KDM4B: variants seen among roughly 807,000 people sequenced by gnomAD.
The protein encoded by KDM4B is lysine demethylase 4B.
KDM4B carries 32 observed loss-of-function variants against 125.2 expected under a neutral mutation model. The ratio of observed to expected loss-of-function variants is 0.26; its 90% CI spans 0.19 to 0.34. KDM4B has a LOEUF of 0.34. Among genes scored for constraint, KDM4B ranks in the 10% least tolerant of loss-of-function variants. The probability of loss-of-function intolerance (pLI) is 1.00; values close to 1 mark genes in which losing one functional copy is unlikely to be tolerated. For missense variants in KDM4B, 1,190 were observed against 1,577.7 expected, an observed-to-expected ratio of 0.75 and a Z score of 4.16; for synonymous variants, 721 against 677.9, an observed-to-expected ratio of 1.06 and a Z score of -0.99.
intron 6 of KDM4B, 185 bp from the exon 7 acceptor site, chr19:5,070,825 T>G: frequency 1.9e-6 from 1 of 535,758 alleles, no homozygotes; most frequent in Non-Finnish European, 3.3e-6. Flanking sequence ...CCACCTCGCT[T>G]CCTTACGGAT....
At chr19:5,041,015 G>A in intron 4 of KDM4B, 122 bp from the exon 5 acceptor site, 1 of 598,402 alleles carries the variant, frequency 1.7e-6, no homozygotes, top group Non-Finnish European at 3.0e-6. Context: ...CGGGGCAGCG[G>A]GCAGTCGGAG....
intron 10 of KDM4B, chr19:5,112,694 C>T (rs969902662): frequency 6.6e-6 from 1 of 152,382 alleles, no homozygotes; most frequent in Non-Finnish European, 1.5e-5. Flanking sequence ...CTGTCTTCCC[C>T]ACCTCGCGGC....
At chr19:5,065,030 C>T (rs7253495) in intron 6 of KDM4B, among the ~76,000 whole-genome samples, 34,524 of 152,174 alleles carry the variant, frequency 0.23, 4,744 homozygotes, top group East Asian at 0.65. Flanking sequence ...AGGTCAGGTG[C>T]GGTGTGCTTT....
At chr19:5,040,998 C>G (rs1347887041) in intron 4 of KDM4B, 139 bp from the exon 5 acceptor site, 9 of 552,430 alleles carry the variant, frequency 1.6e-5, no homozygotes, top group African/African-American at 1.5e-4. Context: ...TTGCGTGGTA[C>G]CCTAGGCGGG....
intron 1 of KDM4B, among the ~76,000 whole-genome samples, chr19:4,994,844 G>A (rs759392694): frequency 2.0e-5 from 3 of 151,900 alleles, no homozygotes; most frequent in South Asian, 2.1e-4. Flanking sequence ...ATGATTGTTA[G>A]CACTATATTT....
At chr19:5,085,871 T>G (rs1406060140) in intron 9 of KDM4B, among the ~76,000 whole-genome samples, 1 of 152,222 alleles carries the variant, frequency 6.6e-6, no homozygotes, top group East Asian at 1.9e-4. Flanking sequence ...CAGCCCAGGC[T>G]GGAGAGTCTG....
chr19:4,997,786 G>T lies in KDM4B; in HGVS notation c.-108-18471G>T, dbSNP rs1226010346. On this transcript the variant is annotated intron_variant, in intron 1 of 22. Coordinates refer to ENST00000159111, the MANE Select transcript of KDM4B (RefSeq NM_015015.3). This position sits in a 1 kb window ranked among gnomAD's most constrained non-coding sequence, Gnocchi z 4.2. ...CCTCTTCATCCTTACTGTCTGGTCT[G>T]TTCCAAAGGCCGCAGGCCCCAGAAA... Among the ~76,000 whole-genome samples the T allele has an allele frequency of 6.6e-6, 1 of 152,236 alleles. No individual in the cohort carries two copies. The highest frequency in any genetic ancestry group is 1.9e-4 in the East Asian group (1 of 5,192).
chr19:5,039,818 C>A lies in KDM4B; in HGVS notation c.142-18C>A. ...TGAGGGTCTGAGGGTGCCACTGACT[C>A]CCATCTTGGTCTTGCAGATCATCCC... On this transcript the variant is annotated intron_variant, in intron 3 of 22. Transcript: ENST00000159111. The A allele has an allele frequency of 6.2e-7, 1 of 1,609,414 alleles. No homozygotes were observed. The highest frequency in any genetic ancestry group is 8.5e-7 in the Non-Finnish European group (1 of 1,177,570).
chr19:5,065,889 T>TC (rs1436815356), intron 6 of KDM4B, among the ~76,000 whole-genome samples: 4 of 151,926 alleles, frequency 2.6e-5, no homozygotes, highest in Admixed American at 1.3e-4. Context: ...CCTCGCAGCA[T>TC]CCCCCGGGCA....
chr19:5,082,240 T>C lies in KDM4B; in HGVS notation c.781-127T>C, dbSNP rs1174596153. 14 of 1,149,114 alleles carry C rather than the reference T, an allele frequency of 1.2e-5. No homozygotes were observed. The highest frequency in any genetic ancestry group is 1.7e-5 in the Non-Finnish European group (14 of 817,264). The allele number at this position is 1,149,114 out of a possible 1,614,324, so 71.2% of individuals were successfully genotyped here. On this transcript the variant is annotated intron_variant, in intron 8 of 22. Coordinates refer to ENST00000159111, the MANE Select transcript of KDM4B (RefSeq NM_015015.3). The surrounding 1 kb of genome is among the most constrained non-coding windows in gnomAD (Gnocchi z 5.4). ...GAGCCCCTGGAGCCGCTGGATCACCTTTGACTTTGTGAAACCCCCTTGGCT... is the reference window on the plus strand; with the variant it reads ...GAGCCCCTGGAGCCGCTGGATCACCCTTGACTTTGTGAAACCCCCTTGGCT...
At chr19:5,118,157 C>T (rs970581552) in intron 10 of KDM4B, among the ~76,000 whole-genome samples, 1 of 152,214 alleles carries the variant, frequency 6.6e-6, no homozygotes, top group Non-Finnish European at 1.5e-5. Flanking sequence ...CCACCCCACC[C>T]CTGTCAGATG....
chr19:5,036,587 A>G (rs1449917795), intron 3 of KDM4B, among the ~76,000 whole-genome samples: 1 of 152,204 alleles, frequency 6.6e-6, no homozygotes, highest in African/African-American at 2.4e-5. Context: ...GCCCTCAGCT[A>G]TACCACCCGC....
intron 9 of KDM4B, among the ~76,000 whole-genome samples, chr19:5,109,620 C>T (rs1289412375): frequency 1.3e-5 from 2 of 152,198 alleles, no homozygotes; most frequent in Admixed American, 6.5e-5. Context: ...CCAGGCAAGC[C>T]GGCTGCAGCA....
intron 14 of KDM4B, 34 bp from the exon 15 acceptor site, chr19:5,135,305 G>A (rs1209437949): frequency 1.3e-6 from 2 of 1,497,444 alleles, no homozygotes; most frequent in African/African-American, 1.4e-5. Context: ...CCCACACATG[G>A]CTCTGTCCCC....
intron 19 of KDM4B, 29 bp from the exon 20 acceptor site, chr19:5,144,219 C>A (rs781141028): frequency 2.5e-5 from 40 of 1,587,540 alleles, no homozygotes; most frequent in Non-Finnish European, 3.4e-5. Context: ...CCGCGCTGAC[C>A]GCCCCCCACA....
At chr19:5,113,130 G>A (rs1439419400) in intron 10 of KDM4B, 4 of 152,198 alleles carry the variant, frequency 2.6e-5, no homozygotes, top group Admixed American at 2.0e-4. Context: ...CAGCCCTTGC[G>A]TGGCCTGGCC....
chr19:5,122,685 A>G (rs2039382320), intron 11 of KDM4B, among the ~76,000 whole-genome samples: 2 of 152,236 alleles, frequency 1.3e-5, no homozygotes, highest in Non-Finnish European at 2.9e-5. Context: ...GCCACCCGTC[A>G]CCGACCAAGA....
chr19:5,013,980 GTGGCCCGGC>G (rs1568227327), intron 1 of KDM4B, among the ~76,000 whole-genome samples: 5 of 152,246 alleles, frequency 3.3e-5, no homozygotes, highest in African/African-American at 1.2e-4. Flanking sequence ...GGCGCAGCCC[GTGGCCCGGC>G]AGTCCAGGAC....
chr19:5,024,284 G>A (rs1001165397), intron 2 of KDM4B, among the ~76,000 whole-genome samples: 85 of 152,272 alleles, frequency 5.6e-4, no homozygotes, highest in African/African-American at 1.9e-3. Context: ...AGCCCCAGCA[G>A]TGCCAGTGCA....
Sources: gnomAD v4.1 joint callset for allele counts (sites outside exome capture counted in the v4.1 genomes callset) on GRCh38, gnomAD v4.1.1 for gene constraint, Gnocchi (gnomAD v3.1) non-coding constraint, MANE v1.5 for transcripts, NCBI Gene and HGNC (gene_info 2026-07-23, HGNC 2026-07-21) for gene names.